Variants in RGS7 observed in about 807,000 individuals in gnomAD.
RGS7 encodes the protein regulator of G protein signaling 7.
RGS7 carries 27 observed loss-of-function variants against 81.1 expected under a neutral mutation model. The observed-to-expected ratio is 0.33, with a 90% CI of 0.25 to 0.46. The LOEUF (loss-of-function observed/expected upper bound fraction) is 0.46. Among genes scored for constraint, RGS7 ranks in the 20% least tolerant of loss-of-function variants. The pLI is 1.00. For missense variants in RGS7, 396 were observed against 607.4 expected (o/e 0.65, Z 3.66); for synonymous variants, 208 against 207.7 (o/e 1.00, Z -0.01).
intron 3 of RGS7, among the ~76,000 whole-genome samples, chr1:241,028,713 T>C (rs1384319091): frequency 6.6e-6 from 1 of 151,998 alleles, no homozygotes; most frequent in Non-Finnish European, 1.5e-5. Flanking sequence ...CAGACACCCT[T>C]AGGATAAGTT....
intron 2 of RGS7, among the ~76,000 whole-genome samples, chr1:241,132,637 T>C (rs978778731): frequency 1.8e-4 from 28 of 151,874 alleles, no homozygotes; most frequent in Non-Finnish European, 8.8e-5. Flanking sequence ...TTCCATTTTT[T>C]TTGGTGGGGG....
At chr1:240,779,815 T>C (rs1389866069) in intron 18 of RGS7, among the ~76,000 whole-genome samples, 1 of 152,180 alleles carries the variant, frequency 6.6e-6, no homozygotes, top group Non-Finnish European at 1.5e-5. Flanking sequence ...TATGGATCAT[T>C]TTGTGCACTC....
At chr1:241,083,654 A>AT (rs1021778934) in intron 3 of RGS7, among the ~76,000 whole-genome samples, 1 of 151,992 alleles carries the variant, frequency 6.6e-6, no homozygotes, top group African/African-American at 2.4e-5. Flanking sequence ...GCAAGAATTA[A>AT]TTTTTTTCCT....
intron 3 of RGS7, among the ~76,000 whole-genome samples, chr1:241,033,471 A>T (rs1282735996): frequency 6.6e-6 from 1 of 152,128 alleles, no homozygotes; most frequent in African/African-American, 2.4e-5. Context: ...TATAAAAATG[A>T]TATATTAAAA....
chr1:241,226,964 T>G (rs2148032612), intron 2 of RGS7, among the ~76,000 whole-genome samples: 1 of 152,336 alleles, frequency 6.6e-6, no homozygotes, highest in South Asian at 2.1e-4. Context: ...TTATGTTACT[T>G]ATTCGGACCT....
intron 3 of RGS7, among the ~76,000 whole-genome samples, chr1:241,058,884 T>C (rs1236495829): frequency 6.6e-6 from 1 of 152,072 alleles, no homozygotes; most frequent in Non-Finnish European, 1.5e-5. Flanking sequence ...CTTGAAGGAG[T>C]TGGCTGTGTC....
rs201435037 is a variant in RGS7, at chr1:241,249,306, AT to A, written c.78+106392del. Reference sequence around the variant, plus strand: ...TATGTGGTTTATGGTAAAGGTCAAGATTTTTTTTTTTTTGGCATTTGACTAT... The same window carrying A: ...TATGTGGTTTATGGTAAAGGTCAAGATTTTTTTTTTTTGGCATTTGACTAT... On this transcript the variant is annotated intron_variant, in intron 2 of 18. Coordinates refer to ENST00000440928, the MANE Select transcript of RGS7 (RefSeq NM_001364886.1). Among the ~76,000 whole-genome samples, 1,066 of 144,332 alleles carry A rather than the reference AT, an allele frequency of 7.4e-3. 10 individuals are homozygous for A. The highest frequency in any genetic ancestry group is 0.02 in the African/African-American group (780 of 39,444). 94.7% of individuals were successfully genotyped at this position (144,332 alleles called of 152,430 possible). A position where few individuals can be genotyped will look rare whatever the true frequency, so the allele number is the denominator to read the frequency against.
intron 2 of RGS7, among the ~76,000 whole-genome samples, chr1:241,145,142 G>A (rs1334286548): frequency 3.3e-5 from 5 of 151,552 alleles, no homozygotes; most frequent in South Asian, 2.1e-4. Flanking sequence ...TCAGCCTCCC[G>A]AGTGGCTGGG....
intron 6 of RGS7, among the ~76,000 whole-genome samples, chr1:240,927,050 G>GT (rs1308618924): frequency 1.3e-5 from 2 of 151,488 alleles, no homozygotes; most frequent in African/African-American, 4.9e-5. Flanking sequence ...GAAATAAACT[G>GT]GTTTTTTTTG....
At chr1:240,811,756 C>G (rs1362354741) in intron 14 of RGS7, among the ~76,000 whole-genome samples, 162 bp downstream of exon 14, 2 of 152,140 alleles carry the variant, frequency 1.3e-5, no homozygotes, top group Non-Finnish European at 2.9e-5. Context: ...ACAGCCTTTG[C>G]CTTGCTATCT....
chr1:240,863,949 A>G (rs182340590), intron 9 of RGS7, among the ~76,000 whole-genome samples: 1 of 152,144 alleles, frequency 6.6e-6, no homozygotes, highest in Admixed American at 6.5e-5. Flanking sequence ...TCAGGATCTC[A>G]TTCTTGCTGG....
intron 2 of RGS7, among the ~76,000 whole-genome samples, chr1:241,340,950 A>C (rs1286991063): frequency 6.6e-6 from 1 of 152,176 alleles, no homozygotes; most frequent in Non-Finnish European, 1.5e-5. Flanking sequence ...CTCTTACAGG[A>C]TGGGACTGCC....
intron 2 of RGS7, among the ~76,000 whole-genome samples, chr1:241,202,712 A>G (rs2073611784): frequency 6.6e-6 from 1 of 152,198 alleles, no homozygotes. Context: ...CCTACAGTCA[A>G]ACAAGTCAGA....
intron 3 of RGS7, among the ~76,000 whole-genome samples, chr1:241,058,808 A>G (rs1015393795): frequency 6.6e-6 from 1 of 152,202 alleles, no homozygotes; most frequent in Non-Finnish European, 1.5e-5. Context: ...CAATTTTGAC[A>G]TTAACCAGGT....
chr1:241,354,364 A>G (rs1304311679), intron 2 of RGS7, among the ~76,000 whole-genome samples: 4 of 152,210 alleles, frequency 2.6e-5, no homozygotes, highest in Admixed American at 2.0e-4. Context: ...ATGCAGTTGG[A>G]ATGCTTTAAG....
intron 3 of RGS7, among the ~76,000 whole-genome samples, chr1:241,008,547 TTC>T (rs760717872): frequency 3.9e-5 from 6 of 152,158 alleles, no homozygotes; most frequent in Admixed American, 1.3e-4. Flanking sequence ...TCAATGGGGC[TTC>T]TGTGTTTGAA....
rs1365393357 is a variant in RGS7 at position 240,908,240 on chromosome 1, CT to C, written c.385+22476del. The stretch of plus-strand genomic sequence containing the variant: ...GGAGGGATAGCATTAGGAGAGATAC[CT>C]AATGTAAACGACGAGTTAATGGGTG... On this transcript the variant is annotated intron_variant, in intron 6 of 18. Coordinates refer to ENST00000440928, the MANE Select transcript of RGS7 (RefSeq NM_001364886.1). Among the ~76,000 whole-genome samples the C allele has an allele frequency of 7.9e-5, 12 of 151,628 alleles. No homozygotes were observed. The East Asian group carries it at 2.3e-3, about 30-fold the overall frequency.
chr1:241,047,513 C>T (rs761494521), intron 3 of RGS7, among the ~76,000 whole-genome samples: 5 of 152,110 alleles, frequency 3.3e-5, no homozygotes, highest in Non-Finnish European at 5.9e-5. Context: ...CCCATATCTA[C>T]ATTATAACCT....
At position 241,357,134 on chromosome 1, in the gene RGS7, C is replaced by T. The variant is rs1338835623; in HGVS notation, c.-286G>A. 6.6e-6 allele frequency: 1 copy of T among 152,118 alleles called. No individual in the cohort carries two copies. The highest frequency in any genetic ancestry group is 1.5e-5 in the Non-Finnish European group (1 of 68,132). The allele number at this position is 152,118 out of a possible 1,614,324, so 9.4% of individuals were successfully genotyped here. A position where few individuals can be genotyped will look rare whatever the true frequency, so the allele number is the denominator to read the frequency against. On this transcript the variant is annotated 5_prime_UTR_variant, in exon 1 of 19. Transcript: ENST00000440928. ...GCCACTCGCGCCCGCTCCCCTGGGC[C>T]GCCTCGCTGGCTCTCTCCCTCCTCC... is the stretch of plus-strand genomic sequence containing the variant.
Sources: gnomAD v4.1 joint callset for allele counts (sites outside exome capture counted in the v4.1 genomes callset) on GRCh38, gnomAD v4.1.1 for gene constraint, MANE v1.5 for transcripts, NCBI Gene and HGNC (gene_info 2026-07-23, HGNC 2026-07-21) for gene names.